The following GADL1 variants were observed in gnomAD, a reference collection of about 807,000 sequenced individuals.
GADL1 encodes acidic amino acid decarboxylase GADL1.
In GADL1, 71 loss-of-function variants were observed where a neutral mutation model predicts 69.5. The ratio of observed to expected loss-of-function variants is 1.02; its 90% confidence interval spans 0.84 to 1.25. The LOEUF (loss-of-function observed/expected upper bound fraction) is 1.25, where lower values mean the gene tolerates loss of function less well. Ranked by LOEUF, GADL1 falls within the 50% of genes most tolerant of loss-of-function variation. The probability of loss-of-function intolerance (pLI) is 0.00; values close to 1 mark genes in which losing one functional copy is unlikely to be tolerated. For missense variants in GADL1, 737 were observed against 631.8 expected (o/e 1.17, Z -1.79); for synonymous variants, 254 against 214.4 (o/e 1.18, Z -1.62).
At chr3:30,747,594 C>G (rs1559485645) in intron 14 of GADL1, among the ~76,000 whole-genome samples, 2 of 152,170 alleles carry the variant, frequency 1.3e-5, no homozygotes. Flanking sequence ...TTTTCTGAAT[C>G]AAATGGATTT....
At chr3:30,892,570 G>A (rs1005292184) in intron 1 of GADL1, among the ~76,000 whole-genome samples, 2 of 152,158 alleles carry the variant, frequency 1.3e-5, no homozygotes, top group Admixed American at 1.3e-4. Context: ...AGCTACCAAA[G>A]CCACCACAAG....
intron 14 of GADL1, among the ~76,000 whole-genome samples, chr3:30,735,740 C>T (rs993930101): frequency 2.0e-5 from 3 of 151,994 alleles, no homozygotes; most frequent in Admixed American, 6.6e-5. Flanking sequence ...AAATTCTGTT[C>T]GAAGCTGGGC....
chr3:30,842,964 GAAA>G (rs11430065), intron 8 of GADL1, among the ~76,000 whole-genome samples: 2 of 146,930 alleles, frequency 1.4e-5, no homozygotes, highest in African/African-American at 2.5e-5. Flanking sequence ...ATGAAAACTT[GAAA>G]AAAAAAAGTA....
chr3:30,793,810 A>G lies in GADL1; in HGVS notation c.1250+7079T>C, dbSNP rs554223726. ...CCCTTTCTTACTTCAGCAGCCGCTT[A>G]GCGCCTCCCTGAACCATTTTGGACC... On this transcript the variant is annotated intron_variant, in intron 12 of 14. Transcript: ENST00000282538. 7.2e-5 allele frequency among the ~76,000 whole-genome samples: 11 copies of G among 152,050 alleles called. No individual in the cohort carries two copies. The East Asian group carries it at 2.1e-3, about 29-fold the overall frequency.
intron 1 of GADL1, among the ~76,000 whole-genome samples, chr3:30,878,427 T>G (rs1480974648): frequency 6.6e-6 from 1 of 151,924 alleles, no homozygotes; most frequent in Non-Finnish European, 1.5e-5. Flanking sequence ...TGAGGCCTAC[T>G]TTAGGTATAG....
At chr3:30,789,291 A>C (rs891375776) in intron 12 of GADL1, among the ~76,000 whole-genome samples, 21 of 152,330 alleles carry the variant, frequency 1.4e-4, no homozygotes, top group African/African-American at 5.1e-4. Flanking sequence ...ATGAGCAGTA[A>C]TATTTTGAAA....
chr3:30,767,559 T>C (rs1357986291), intron 14 of GADL1, among the ~76,000 whole-genome samples: 1 of 152,156 alleles, frequency 6.6e-6, no homozygotes, highest in East Asian at 1.9e-4. Context: ...AGATTCATAC[T>C]TTGCATGATA....
intron 6 of GADL1, among the ~76,000 whole-genome samples, chr3:30,848,553 T>C (rs565714634): frequency 8.5e-6 from 1 of 117,270 alleles, no homozygotes; most frequent in East Asian, 3.0e-4. Flanking sequence ...ATACCTGATA[T>C]TATCTCAGAA....
chr3:30,811,945 T>C (rs1697364680), intron 11 of GADL1, among the ~76,000 whole-genome samples: 2 of 152,222 alleles, frequency 1.3e-5, no homozygotes, highest in Admixed American at 1.3e-4. Flanking sequence ...ACCACTGTTC[T>C]GATGGGTCTT....
At chr3:30,823,474 A>ATG (rs1697626938) in intron 11 of GADL1, among the ~76,000 whole-genome samples, 1 of 152,014 alleles carries the variant, frequency 6.6e-6, no homozygotes, top group Admixed American at 6.6e-5. Flanking sequence ...ATCCAGAAAA[A>ATG]TGTCAAGCAT....
intron 9 of GADL1, among the ~76,000 whole-genome samples, chr3:30,835,459 A>C (rs886725082): frequency 6.6e-6 from 1 of 152,102 alleles, no homozygotes; most frequent in African/African-American, 2.4e-5. Flanking sequence ...CGATCCTCAG[A>C]GTATTACAAA....
chr3:30,740,080 C>A (rs1448029111), intron 14 of GADL1, among the ~76,000 whole-genome samples: 1 of 152,104 alleles, frequency 6.6e-6, no homozygotes. Context: ...CAGGGGGCTA[C>A]AGGCTACAGA....
chr3:30,829,406 A>G (rs1697748372), intron 11 of GADL1, among the ~76,000 whole-genome samples: 1 of 151,838 alleles, frequency 6.6e-6, no homozygotes, highest in Admixed American at 6.6e-5. Context: ...AAATTGGGGA[A>G]TTAGTTTTTT....
At chr3:30,863,888 T>C (rs1214917057) in intron 1 of GADL1, among the ~76,000 whole-genome samples, 1 of 151,970 alleles carries the variant, frequency 6.6e-6, no homozygotes, top group Non-Finnish European at 1.5e-5. Flanking sequence ...ACAAATGGTG[T>C]CTATGAAAGC....
At chr3:30,893,966 T>C (rs190080640) in intron 1 of GADL1, among the ~76,000 whole-genome samples, 24 of 152,304 alleles carry the variant, frequency 1.6e-4, no homozygotes, top group South Asian at 1.5e-3. Flanking sequence ...ATAACAATAA[T>C]GATAACCTTT....
chr3:30,735,636 G>A (rs1429108162), intron 14 of GADL1, among the ~76,000 whole-genome samples: 1 of 152,178 alleles, frequency 6.6e-6, no homozygotes, highest in Non-Finnish European at 1.5e-5. Flanking sequence ...TGGGCTGAGG[G>A]GAAGGGTTGA....
chr3:30,733,843 A>C (rs1695503263), intron 14 of GADL1, among the ~76,000 whole-genome samples: 1 of 152,144 alleles, frequency 6.6e-6, no homozygotes, highest in South Asian at 2.1e-4. Flanking sequence ...AGTCCAAGAG[A>C]AGTATTAACA....
At chr3:30,775,668 A>G (rs951516182) in intron 14 of GADL1, among the ~76,000 whole-genome samples, 3 of 152,198 alleles carry the variant, frequency 2.0e-5, no homozygotes, top group Admixed American at 1.3e-4. Context: ...CATTTCCAAA[A>G]TTAAGGGATG....
chr3:30,852,062 A>G (rs779434826), intron 4 of GADL1, among the ~76,000 whole-genome samples: 43 of 152,318 alleles, frequency 2.8e-4, no homozygotes, highest in Non-Finnish European at 3.4e-4. Flanking sequence ...TTAAGCAGAC[A>G]CATTTAGATT....
Sources: gnomAD v4.1 joint callset for allele counts (sites outside exome capture counted in the v4.1 genomes callset) on GRCh38, gnomAD v4.1.1 for gene constraint, MANE v1.5 for transcripts, NCBI Gene and HGNC (gene_info 2026-07-23, HGNC 2026-07-21) for gene names.